Variants in POLR3B observed in about 807,000 individuals in gnomAD.
The protein encoded by POLR3B is RNA polymerase III subunit B, also known as DNA-directed RNA polymerase III subunit RPC2.
POLR3B carries 96 observed loss-of-function variants against 147.4 expected under a neutral mutation model. The ratio of observed to expected loss-of-function variants is 0.65; its 90% CI spans 0.55 to 0.77. The LOEUF is 0.77. Among genes scored for constraint, POLR3B ranks in the 30% least tolerant of loss-of-function variants. POLR3B has a pLI of 0.00. For missense variants in POLR3B, 1,036 were observed against 1,413.5 expected (o/e 0.73, Z 4.28); for synonymous variants, 461 against 485.9 (o/e 0.95, Z 0.67).
intron 1 of POLR3B, among the ~76,000 whole-genome samples, chr12:106,361,876 C>T (rs777913122): frequency 6.6e-6 from 1 of 152,120 alleles, no homozygotes; most frequent in Non-Finnish European, 1.5e-5. Flanking sequence ...ATCGGCATGG[C>T]CAAATACTGT....
At chr12:106,469,773 T>C (rs2038063069) in intron 23 of POLR3B, among the ~76,000 whole-genome samples, 1 of 152,254 alleles carries the variant, frequency 6.6e-6, no homozygotes, top group Admixed American at 6.5e-5. Context: ...TGTTGAATAT[T>C]GGCGCCTACT....
At position 106,504,369 on chromosome 12, in the gene POLR3B, C is replaced by A; in HGVS notation, c.3272+115C>A. 1.2e-6 allele frequency: 1 copy of A among 836,710 alleles called. No individual in the cohort carries two copies. Among genetic ancestry groups the A allele is most frequent in the Non-Finnish European group, 2.1e-6 (1 of 481,366 alleles). The allele number at this position is 836,710 out of a possible 1,614,324, so 51.8% of individuals were successfully genotyped here. On this transcript the variant is annotated intron_variant, in intron 27 of 27. Coordinates refer to ENST00000228347, the MANE Select transcript of POLR3B (RefSeq NM_018082.6). The surrounding 1 kb of genome is among the most constrained non-coding windows in gnomAD (Gnocchi z 4.6). Reference sequence around the variant, plus strand: ...TCCAGCCTCTGTCTGTGATCACTAACATACCCTCCCTCATGCATGTATTCC... The same window carrying A: ...TCCAGCCTCTGTCTGTGATCACTAAAATACCCTCCCTCATGCATGTATTCC...
intron 9 of POLR3B, among the ~76,000 whole-genome samples, chr12:106,389,079 G>A (rs1306278701): frequency 6.6e-6 from 1 of 152,190 alleles, no homozygotes; most frequent in East Asian, 1.9e-4. Context: ...GTACAAAGAG[G>A]TCCATATAAA....
intron 12 of POLR3B, among the ~76,000 whole-genome samples, chr12:106,424,019 G>A (rs1342443001): frequency 6.6e-6 from 1 of 151,978 alleles, no homozygotes; most frequent in Non-Finnish European, 1.5e-5. Flanking sequence ...ACCATGCCTG[G>A]CTAATTTTTG....
chr12:106,498,286 T>G (rs2038529910), intron 25 of POLR3B, among the ~76,000 whole-genome samples: 1 of 152,104 alleles, frequency 6.6e-6, no homozygotes, highest in African/African-American at 2.4e-5. Flanking sequence ...CTGGCTGCGG[T>G]GCAGTGAAGA....
At chr12:106,377,573 C>G (rs2036698543) in intron 7 of POLR3B, among the ~76,000 whole-genome samples, 1 of 152,178 alleles carries the variant, frequency 6.6e-6, no homozygotes, top group African/African-American at 2.4e-5. Context: ...ACCATTACCA[C>G]TGATTTGTTA....
intron 10 of POLR3B, among the ~76,000 whole-genome samples, chr12:106,395,147 A>G (rs1018006349): frequency 6.6e-6 from 1 of 152,110 alleles, no homozygotes; most frequent in Non-Finnish European, 1.5e-5. Context: ...CAGGAGGATC[A>G]CTTGAGCCTG....
intron 16 of POLR3B, among the ~76,000 whole-genome samples, chr12:106,435,317 GTAT>G (rs1208221913): frequency 1.4e-5 from 2 of 146,852 alleles, no homozygotes; most frequent in Non-Finnish European, 3.0e-5. Context: ...CTAATTTTTT[GTAT>G]TATTAGTAGT....
rs1565882397 is a variant in POLR3B, at chr12:106,393,799, CACACA to C, written c.846+647_846+651del. Among the ~76,000 whole-genome samples, 704 of 151,826 alleles carry C rather than the reference CACACA, an allele frequency of 4.6e-3. 2 individuals are homozygous for C. The highest frequency in any genetic ancestry group is 0.016 in the African/African-American group (662 of 41,398). On this transcript the variant is annotated intron_variant, in intron 10 of 27. Transcript: ENST00000228347. Reference sequence around the variant, plus strand: ...ACACACACACACACACACACACACACACACACCCCATAGTAAAAATAATTGCACTT... The same window carrying C: ...ACACACACACACACACACACACACACCCCCATAGTAAAAATAATTGCACTT...
chr12:106,416,408 A>G (rs1040835353), intron 12 of POLR3B, among the ~76,000 whole-genome samples: 1 of 152,170 alleles, frequency 6.6e-6, no homozygotes, highest in African/African-American at 2.4e-5. Flanking sequence ...TGAATCCTCC[A>G]TGTGCCTTCT....
chr12:106,382,931 G>A (rs139735311), intron 9 of POLR3B, among the ~76,000 whole-genome samples: 72 of 152,308 alleles, frequency 4.7e-4, no homozygotes, highest in Non-Finnish European at 7.8e-4. Context: ...TTCAATAGAA[G>A]GCTGTTGCAT....
At chr12:106,506,916 C>A (rs1363573498) in intron 27 of POLR3B, among the ~76,000 whole-genome samples, 1 of 152,062 alleles carries the variant, frequency 6.6e-6, no homozygotes, top group Non-Finnish European at 1.5e-5. Context: ...GGAGCATGGG[C>A]GTCGTTGGAG....
intron 8 of POLR3B, 82 bp downstream of exon 8, chr12:106,378,466 G>A: frequency 1.3e-6 from 1 of 797,010 alleles, no homozygotes; most frequent in Non-Finnish European, 2.2e-6. Flanking sequence ...TACAGAGGGA[G>A]CCAGTTATTA....
chr12:106,496,628 A>G lies in POLR3B; in HGVS notation c.2818-124A>G, dbSNP rs149569761. ...TAGATCACACATGTCAAGCTTAAAT[A>G]CTGCTTCTATTAATTTATTACTGTT... On this transcript the variant is annotated intron_variant, in intron 24 of 27. Transcript: ENST00000228347. 3.3e-5 allele frequency: 28 copies of G among 838,270 alleles called. No individual in the cohort carries two copies. In the East Asian group the frequency reaches 7.1e-4, roughly 21 times the overall value. 51.9% of individuals were successfully genotyped at this position (838,270 alleles called of 1,614,324 possible).
chr12:106,508,487 G>T (rs1036166934), intron 27 of POLR3B, among the ~76,000 whole-genome samples: 2 of 152,150 alleles, frequency 1.3e-5, no homozygotes, highest in African/African-American at 4.8e-5. Context: ...CCTGTTAAGA[G>T]TCAGGATTTG....
At chr12:106,472,827 G>T (rs2038112993) in intron 23 of POLR3B, among the ~76,000 whole-genome samples, 2 of 114,940 alleles carry the variant, frequency 1.7e-5, no homozygotes, top group South Asian at 2.6e-4. Flanking sequence ...TGTTCACTCT[G>T]ACGGTAGTTT....
At chr12:106,455,175 A>C (rs924301574) in intron 20 of POLR3B, among the ~76,000 whole-genome samples, 1 of 152,196 alleles carries the variant, frequency 6.6e-6, no homozygotes, top group African/African-American at 2.4e-5. Flanking sequence ...ACGAAAGTTA[A>C]AAATACACGG....
intron 23 of POLR3B, 93 bp from the exon 24 acceptor site, chr12:106,495,962 A>C: frequency 1.2e-6 from 1 of 811,890 alleles, no homozygotes; most frequent in Non-Finnish European, 2.2e-6. Flanking sequence ...GAGCAGTGGA[A>C]ATAGAGATAG....
chr12:106,363,980 A>G (rs1592998396), intron 2 of POLR3B, 78 bp downstream of exon 2: 2 of 1,100,296 alleles, frequency 1.8e-6, no homozygotes, highest in East Asian at 4.7e-5. Context: ...TTTAAAGATT[A>G]AATTTTTGTC....
Sources: gnomAD v4.1 joint callset for allele counts (sites outside exome capture counted in the v4.1 genomes callset) on GRCh38, gnomAD v4.1.1 for gene constraint, Gnocchi (gnomAD v3.1) non-coding constraint, MANE v1.5 for transcripts, NCBI Gene and HGNC (gene_info 2026-07-23, HGNC 2026-07-21) for gene names.